The following ADGRL3 variants were observed in gnomAD, a reference collection of about 807,000 sequenced individuals.
ADGRL3 encodes the protein calcium-independent alpha-latrotoxin receptor 3.
A neutral mutation model predicts 153.5 loss-of-function variants in ADGRL3; 62 were observed. The ratio of observed to expected loss-of-function variants is 0.40; its 90% CI spans 0.33 to 0.50. ADGRL3 has a LOEUF of 0.50. ADGRL3 is among the 20% of genes least tolerant of loss of function. The pLI is 0.47. For synonymous variants in ADGRL3, 710 were observed against 672.5 expected, an observed-to-expected ratio of 1.06 and a Z score of -0.86; for missense variants, 1,641 against 1,859.4, an observed-to-expected ratio of 0.88 and a Z score of 2.16.
intron 8 of ADGRL3, among the ~76,000 whole-genome samples, chr4:61,791,863 A>C (rs2097346205): frequency 6.6e-6 from 1 of 152,174 alleles, no homozygotes. Flanking sequence ...TGAGCTGTAC[A>C]TTGGCCCCTT....
At chr4:61,869,515 G>A (rs573944558) in intron 9 of ADGRL3, among the ~76,000 whole-genome samples, 1 of 151,868 alleles carries the variant, frequency 6.6e-6, no homozygotes, top group Non-Finnish European at 1.5e-5. Context: ...GGAGAATGGC[G>A]TGAACCCGGG....
chr4:61,303,873 A>C (rs2094673304), intron 1 of ADGRL3, among the ~76,000 whole-genome samples: 1 of 152,230 alleles, frequency 6.6e-6, no homozygotes, highest in Non-Finnish European at 1.5e-5. Context: ...ATCTGACAGA[A>C]AAATGAAGCT....
intron 21 of ADGRL3, among the ~76,000 whole-genome samples, chr4:62,004,635 A>T (rs539825942): frequency 6.6e-6 from 1 of 152,140 alleles, no homozygotes; most frequent in African/African-American, 2.4e-5. Flanking sequence ...TATTTTAAAT[A>T]TTTAGAGATA....
chr4:61,298,175 G>A (rs1242926848), intron 1 of ADGRL3, among the ~76,000 whole-genome samples: 1 of 151,990 alleles, frequency 6.6e-6, no homozygotes, highest in Non-Finnish European at 1.5e-5. Context: ...TATTGTTAAA[G>A]TAATTATTAA....
intron 25 of ADGRL3, among the ~76,000 whole-genome samples, chr4:62,067,267 A>G (rs1472428127): frequency 6.6e-6 from 1 of 152,054 alleles, no homozygotes; most frequent in Admixed American, 6.6e-5. Flanking sequence ...GCTGGTTTTT[A>G]TTTTATGATA....
chr4:61,816,721 G>T (rs60228258), intron 9 of ADGRL3, among the ~76,000 whole-genome samples: 8,141 of 152,244 alleles, frequency 0.053, 364 homozygotes, highest in African/African-American at 0.12. Context: ...TGGAACAGCC[G>T]CTGTGGGGAT....
At chr4:61,258,094 C>A (rs1046444281) in intron 1 of ADGRL3, among the ~76,000 whole-genome samples, 10 of 152,182 alleles carry the variant, frequency 6.6e-5, no homozygotes, top group Non-Finnish European at 8.8e-5. Flanking sequence ...CTATCCCCCC[C>A]AGACTAAATA....
rs529062612 is a variant in ADGRL3 at position 61,311,466 on chromosome 4, T to C, written c.-239-71658T>C. Among the ~76,000 whole-genome samples the C allele has an allele frequency of 3.9e-5, 6 of 152,312 alleles. No homozygotes were observed. In the South Asian group the frequency reaches 1.2e-3, roughly 32 times the overall value. ...TGGGAAGAGTAATCTTTTCTGTGTA[T>C]TCAGGAAGAAGAAACAATGTGATGA... On this transcript the variant is annotated intron_variant, in intron 1 of 26. Coordinates refer to ENST00000683033, the MANE Select transcript of ADGRL3 (RefSeq NM_001387552.1).
intron 8 of ADGRL3, among the ~76,000 whole-genome samples, chr4:61,786,234 G>A (rs2097274266): frequency 6.6e-6 from 1 of 152,172 alleles, no homozygotes; most frequent in Non-Finnish European, 1.5e-5. Flanking sequence ...TACTAGAAAT[G>A]TATAAAGTTT....
chr4:61,930,921 G>A (rs1277854579), intron 13 of ADGRL3, among the ~76,000 whole-genome samples: 1 of 152,068 alleles, frequency 6.6e-6, no homozygotes, highest in African/African-American at 2.4e-5. Context: ...AAATTATTTT[G>A]TGACCAGATG....
chr4:61,883,185 T>TTTC (rs1249342925), intron 9 of ADGRL3, among the ~76,000 whole-genome samples: 4 of 152,136 alleles, frequency 2.6e-5, no homozygotes, highest in Non-Finnish European at 5.9e-5. Context: ...TTCCTCTGCT[T>TTTC]TTCTTCTTCT....
intron 4 of ADGRL3, among the ~76,000 whole-genome samples, chr4:61,557,699 C>T (rs908522624): frequency 6.6e-6 from 1 of 152,038 alleles, no homozygotes; most frequent in African/African-American, 2.4e-5. Context: ...CAAACACTAA[C>T]CTTAGGAATT....
chr4:61,951,821 A>T (rs990527875), intron 17 of ADGRL3, among the ~76,000 whole-genome samples: 7 of 152,038 alleles, frequency 4.6e-5, no homozygotes, highest in African/African-American at 1.7e-4. Flanking sequence ...GCTGAGATCA[A>T]CCACTGCAAC....
At chr4:61,660,099 A>G (rs2094552396) in intron 5 of ADGRL3, among the ~76,000 whole-genome samples, 1 of 152,170 alleles carries the variant, frequency 6.6e-6, no homozygotes, top group South Asian at 2.1e-4. Flanking sequence ...CTGGAATCTA[A>G]AAGTTTAGGC....
chr4:61,675,038 TAGCTTTTA>T (rs2095140028), intron 5 of ADGRL3, among the ~76,000 whole-genome samples: 1 of 151,986 alleles, frequency 6.6e-6, no homozygotes, highest in African/African-American at 2.4e-5. Flanking sequence ...TATGGAGTAT[TAGCTTTTA>T]TTCACCTTTC....
chr4:61,920,708 T>C (rs1174411130), intron 13 of ADGRL3, among the ~76,000 whole-genome samples: 1 of 152,202 alleles, frequency 6.6e-6, no homozygotes, highest in South Asian at 2.1e-4. Context: ...ACAAGATGGC[T>C]ACTTAGGTTC....
At chr4:61,839,592 GT>G (rs977819055) in intron 9 of ADGRL3, among the ~76,000 whole-genome samples, 6 of 148,640 alleles carry the variant, frequency 4.0e-5, no homozygotes, top group Admixed American at 6.8e-5. Context: ...AATTTGGCAG[GT>G]TTTTTTTTTC....
chr4:61,709,864 C>A (rs1274208286), intron 6 of ADGRL3, among the ~76,000 whole-genome samples: 1 of 152,116 alleles, frequency 6.6e-6, no homozygotes, highest in Non-Finnish European at 1.5e-5. Context: ...GATTACACAG[C>A]ATGATAGAAT....
intron 9 of ADGRL3, among the ~76,000 whole-genome samples, chr4:61,834,348 C>G (rs1418244779): frequency 6.6e-6 from 1 of 152,012 alleles, no homozygotes; most frequent in Non-Finnish European, 1.5e-5. Context: ...TTTTCTTAAT[C>G]CAATCTATCA....
Sources: allele counts gnomAD v4.1 joint callset (sites outside exome capture counted in the v4.1 genomes callset), GRCh38; gene constraint gnomAD v4.1.1; transcripts MANE v1.5; gene names NCBI Gene and HGNC (gene_info 2026-07-23, HGNC 2026-07-21).